MED24: variants seen among roughly 807,000 people sequenced by gnomAD.
The protein encoded by MED24 is mediator of RNA polymerase II transcription subunit 24.
In MED24, 74 loss-of-function variants were observed where a neutral mutation model predicts 118.8. The ratio of observed to expected loss-of-function variants is 0.62; its 90% CI spans 0.52 to 0.76. The LOEUF is 0.76. MED24 is among the 30% of genes least tolerant of loss of function. The pLI is 0.00. For missense variants in MED24, 1,041 were observed against 1,278.9 expected (o/e 0.81, Z 2.84); for synonymous variants, 521 against 523.9 (o/e 0.99, Z 0.08).
intron 3 of MED24, among the ~76,000 whole-genome samples, chr17:40,046,029 G>A (rs1268921217): frequency 6.6e-6 from 1 of 151,392 alleles, no homozygotes; most frequent in African/African-American, 2.4e-5. Flanking sequence ...CACCCGCCTC[G>A]GCCTCCCAAA....
In MED24 at chr17:40,027,428, G is replaced by A. The variant is rs778902986; in HGVS notation, c.1485C>T (p.Ile495=). ...CCACATGGCACAGCATGAGGAAGGA[G>A]ATGTCAAACAGCAGGGCCCGGACGG... The part of the protein sequence containing the change: ...PASVRALLFD[I]SFLMLCHVAQ... The change falls in exon 16 of 26, where the codon ATC becomes ATT. Residue 495 remains isoleucine, a synonymous_variant. Transcript: ENST00000394128. The A allele has an allele frequency of 3.7e-6, 6 of 1,613,744 alleles. No individual in the cohort carries two copies. Among genetic ancestry groups the A allele is most frequent in the Non-Finnish European group, 5.1e-6 (6 of 1,179,804 alleles).
intron 3 of MED24, among the ~76,000 whole-genome samples, chr17:40,049,931 C>G (rs1255122298): frequency 6.6e-6 from 1 of 151,294 alleles, no homozygotes; most frequent in Non-Finnish European, 1.5e-5. Flanking sequence ...AGATGGATCA[C>G]TTGAGGTCAG....
intron 3 of MED24, among the ~76,000 whole-genome samples, chr17:40,047,198 C>A (rs1301596603): frequency 2.0e-5 from 3 of 152,138 alleles, no homozygotes; most frequent in Non-Finnish European, 4.4e-5. Context: ...AAACAAAAGA[C>A]AGTATACGAA....
intron 23 of MED24, 70 bp downstream of exon 23, chr17:40,021,885 G>T (rs547213967): frequency 8.8e-7 from 1 of 1,138,626 alleles, no homozygotes; most frequent in Non-Finnish European, 1.3e-6. Flanking sequence ...CTGGGGCAGC[G>T]GCAGAGTGGC....
chr17:40,019,189 CACACACACACACACAT>C lies in MED24; in HGVS notation c.*324_*339del, dbSNP rs1981637845. On this transcript the variant is annotated 3_prime_UTR_variant, in exon 26 of 26. Transcript: ENST00000394128. Reference sequence around the variant, plus strand: ...AAATACACACAAACACACACACACACACACACACACACACATACACACTTTGCATCTAGAAAGTTCC... The same window carrying C: ...AAATACACACAAACACACACACACACACACACTTTGCATCTAGAAAGTTCC... 4.0e-6 allele frequency: 1 copy of C among 247,590 alleles called. No individual in the cohort carries two copies. The highest frequency in any genetic ancestry group is 2.3e-5 in the African/African-American group (1 of 43,180). 15.3% of individuals were successfully genotyped at this position (247,590 alleles called of 1,614,324 possible). A position where few individuals can be genotyped will look rare whatever the true frequency, so the allele number is the denominator to read the frequency against.
chr17:40,024,520 C>T (rs932108515), intron 19 of MED24, among the ~76,000 whole-genome samples: 4 of 151,976 alleles, frequency 2.6e-5, no homozygotes, highest in African/African-American at 9.7e-5. Flanking sequence ...GGTGACAGAG[C>T]GAAACGCCGT....
At chr17:40,035,585 G>GT (rs1476029313) in intron 5 of MED24, 137 bp downstream of exon 5, 3 of 959,508 alleles carry the variant, frequency 3.1e-6, no homozygotes, top group Admixed American at 2.5e-5. Context: ...GAGGGCACAG[G>GT]TAAGTGTAGA....
chr17:40,033,297 G>A lies in MED24; in HGVS notation c.671+48C>T. The A allele has an allele frequency of 6.2e-7, 1 of 1,611,994 alleles. No individual in the cohort carries two copies. Among genetic ancestry groups the A allele is most frequent in the Non-Finnish European group, 8.5e-7 (1 of 1,179,278 alleles). ...CGGGTGCCACATCTTCCTACCCCAG[G>A]GCGTGTCCTCCCTCTCCCTTCTCCA... On this transcript the variant is annotated intron_variant, in intron 7 of 25. Transcript: ENST00000394128. The surrounding 1 kb of genome is among the most constrained non-coding windows in gnomAD (Gnocchi z 5.2).
In MED24 at chr17:40,022,490, A is replaced by G. The variant is rs763578218; in HGVS notation, c.2433-6T>C. On this transcript the variant is annotated splice_region_variant and splice_polypyrimidine_tract_variant and intron_variant, in intron 21 of 25. Transcript: ENST00000394128. ...GGGCACACCACACGGCCAGCCTGGC[A>G]AAGGGTTCCAGAAAAAGGGGGACAG... The G allele has an allele frequency of 2.2e-5, 35 of 1,605,856 alleles. No individual in the cohort carries two copies. Among genetic ancestry groups the G allele is most frequent in the Non-Finnish European group, 3.0e-5 (35 of 1,176,262 alleles).
intron 19 of MED24, among the ~76,000 whole-genome samples, chr17:40,023,992 C>T (rs1042891812): frequency 3.9e-5 from 6 of 152,274 alleles, no homozygotes; most frequent in Admixed American, 6.5e-5. Flanking sequence ...TTGCTATGAC[C>T]TTTAGAGCCA....
In MED24 at chr17:40,035,296, G is replaced by A. The variant is rs771045092; in HGVS notation, c.380C>T (p.Ala127Val). The A allele has an allele frequency of 1.2e-6, 2 of 1,611,724 alleles. No homozygotes were observed. The highest frequency in any genetic ancestry group is 1.7e-6 in the Non-Finnish European group (2 of 1,178,152). The stretch of plus-strand genomic sequence containing the variant: ...CGTGCAGCGCAGCAGCCAGTGGAGG[G>A]CGCTAAGAAGGGCTCGGCACAGTCC... ...CIGLCRALLSALHWLLRCTAA... is the reference protein window; with the variant it reads ...CIGLCRALLSVLHWLLRCTAA... The change falls in exon 6 of 26, where the codon GCC becomes GTC. Residue 127 changes from alanine (A) to valine (V), a missense_variant. By Grantham distance (64) the Ala-to-Val change is moderately conservative. Around this residue, in one of 3 missense-constraint regions of MED24, gnomAD observed 434 missense variants for 514.9 expected, o/e 0.84. Coordinates refer to ENST00000394128, the MANE Select transcript of MED24 (RefSeq NM_014815.4).
In MED24 at chr17:40,023,275, G is replaced by A; in HGVS notation, c.2106C>T (p.Pro702=). Residue 702 remains proline, a synonymous_variant, in exon 20 of 26, where the codon CCC becomes CCT. Transcript: ENST00000394128. ...GCACCTCTTTGATGGGCCGCTTGGG[G>A]GGCAGCAGGTTCCAGTAGGGCATTG... ...VDTMPYWNLL[P]PKRPIKEVLT... 6.2e-7 allele frequency: 1 copy of A among 1,614,148 alleles called. No individual in the cohort carries two copies. Among genetic ancestry groups the A allele is most frequent in the Non-Finnish European group, 8.5e-7 (1 of 1,180,006 alleles).
rs368850683 is a variant in MED24, at chr17:40,053,461, C to T, written c.130+8G>A. The T allele has an allele frequency of 5.0e-6, 8 of 1,614,056 alleles. No homozygotes were observed. Among genetic ancestry groups the T allele is most frequent in the Non-Finnish European group, 6.8e-6 (8 of 1,180,040 alleles). ...CCTCCCATCTTTCTTTCCCAGTTCA[C>T]TTGAGACCTGCCAGGTTGAGAATAT... is the stretch of plus-strand genomic sequence containing the variant. On this transcript the variant is annotated splice_region_variant and intron_variant, in intron 2 of 25. Coordinates refer to ENST00000394128, the MANE Select transcript of MED24 (RefSeq NM_014815.4).
chr17:40,036,499 C>T (rs1008672452), intron 3 of MED24, among the ~76,000 whole-genome samples: 5 of 151,916 alleles, frequency 3.3e-5, no homozygotes, highest in Admixed American at 3.3e-4. Context: ...GACCATCCCG[C>T]CCAACATGGT....
chr17:40,032,445 G>T, intron 9 of MED24: 1 of 580,178 alleles, frequency 1.7e-6, no homozygotes, highest in Non-Finnish European at 3.1e-6. Context: ...CACCTCTGTG[G>T]TAAGAAACAA....
chr17:40,023,244 C>T lies in MED24; in HGVS notation c.2137G>A (p.Asp713Asn). The T allele has an allele frequency of 6.2e-7, 1 of 1,614,192 alleles. No individual in the cohort carries two copies. Among genetic ancestry groups the T allele is most frequent in the Non-Finnish European group, 8.5e-7 (1 of 1,180,020 alleles). ...TTCTCCAGCACCTTGGCAAAAATGT[C>T]CGTCAGCACCTCTTTGATGGGCCGC... ...PKRPIKEVLT[D>N]IFAKVLEKGW... The change falls in exon 20 of 26, where the codon GAC (aspartate) becomes AAC (asparagine). Residue 713 changes from aspartate (D) to asparagine (N), a missense_variant. Asp to Asn is a conservative substitution (Grantham distance 23). Coordinates refer to ENST00000394128, the MANE Select transcript of MED24 (RefSeq NM_014815.4).
chr17:40,026,957 C>T lies in MED24; in HGVS notation c.1608G>A (p.Glu536=). The change falls in exon 17 of 26, where the codon GAG becomes GAA. Residue 536 remains glutamate, a synonymous_variant. Coordinates refer to ENST00000394128, the MANE Select transcript of MED24 (RefSeq NM_014815.4). ...GGTGGTCAGGGTTCAGGATCTTGCCCTCCTCAGGCATGCAGGTCTGCATCC... is the reference window on the plus strand; with the variant it reads ...GGTGGTCAGGGTTCAGGATCTTGCCTTCCTCAGGCATGCAGGTCTGCATCC... ...ETWMQTCMPE[E]GKILNPDHPC... 1 of 1,614,178 alleles carries T rather than the reference C, an allele frequency of 6.2e-7. No homozygotes were observed. The highest frequency in any genetic ancestry group is 8.5e-7 in the Non-Finnish European group (1 of 1,180,024).
chr17:40,050,686 T>C (rs1343170268), intron 3 of MED24, among the ~76,000 whole-genome samples: 3 of 152,098 alleles, frequency 2.0e-5, no homozygotes, highest in Non-Finnish European at 4.4e-5. Flanking sequence ...TGTGCACATA[T>C]AGAGTGAACT....
chr17:40,041,594 A>G (rs1984569052), intron 3 of MED24, among the ~76,000 whole-genome samples: 1 of 152,122 alleles, frequency 6.6e-6, no homozygotes, highest in Non-Finnish European at 1.5e-5. Context: ...TCTTAAATTT[A>G]AAAGGCCAAG....
Sources: gnomAD v4.1 joint callset for allele counts (sites outside exome capture counted in the v4.1 genomes callset) on GRCh38, gnomAD v4.1.1 for gene constraint, gnomAD v4.1.1 regional missense constraint, Gnocchi (gnomAD v3.1) non-coding constraint, MANE v1.5 for transcripts, NCBI Gene and HGNC (gene_info 2026-07-23, HGNC 2026-07-21) for gene names.